BCL11A: variants seen among roughly 807,000 people sequenced by gnomAD.
BCL11A encodes the protein BCL11 transcription factor A, also known as B cell CLL/lymphoma 11A.
BCL11A carries 2 observed loss-of-function variants against 55.9 expected under a neutral mutation model. That is an observed-to-expected ratio of 0.04 (90% CI 0.01 to 0.11). BCL11A has a LOEUF of 0.11. Ranked by LOEUF, BCL11A falls within the 10% of genes least tolerant of loss-of-function variation. The pLI is 1.00. For synonymous variants in BCL11A, 465 were observed against 473.4 expected (o/e 0.98, Z 0.23); for missense variants, 817 against 1,137.1 (o/e 0.72, Z 4.05).
intron 2 of BCL11A, among the ~76,000 whole-genome samples, chr2:60,492,115 G>A (rs1184297782): frequency 6.6e-6 from 1 of 152,010 alleles, no homozygotes; most frequent in Non-Finnish European, 1.5e-5. Flanking sequence ...AGTGGCTCTC[G>A]CCTGTAATCC....
intron 2 of BCL11A, among the ~76,000 whole-genome samples, chr2:60,486,757 T>C (rs777479746): frequency 6.6e-6 from 1 of 152,192 alleles, no homozygotes; most frequent in Non-Finnish European, 1.5e-5. Flanking sequence ...TATTACAGTG[T>C]GACAGAGTCT....
rs142546955 is a variant in BCL11A at position 60,461,439 on chromosome 2, G to C, written c.1473C>G (p.Asp491Glu). The C allele has an allele frequency of 3.1e-6, 5 of 1,603,396 alleles. No individual in the cohort carries two copies. In the African/African-American group the frequency reaches 4.0e-5, roughly 13 times the overall value. ...CTTCCTCCTCTTCTTCCTCTTCCTC[G>C]TCGTCCTCCTCTTCCTCCTCGTCCC... ...ENGDEEEEED[D>E]EEEEEEEEEE... The change falls in exon 4 of 4, where the codon GAC becomes GAG. Residue 491 changes from aspartate to glutamate, a missense_variant. Transcript: ENST00000642384.
chr2:60,460,294 A>C lies in BCL11A; in HGVS notation c.*110T>G. 1 of 1,486,590 alleles carries C rather than the reference A, an allele frequency of 6.7e-7. No homozygotes were observed. Among genetic ancestry groups the C allele is most frequent in the Non-Finnish European group, 8.9e-7 (1 of 1,119,040 alleles). 92.1% of individuals were successfully genotyped at this position (1,486,590 alleles called of 1,614,324 possible). A position where few individuals can be genotyped will look rare whatever the true frequency, so the allele number is the denominator to read the frequency against. The stretch of plus-strand genomic sequence containing the variant: ...TTGTTTGTTTGTTTGTTTAAATCAC[A>C]TGGGACTAGAAAAAAATCCTACAGG... On this transcript the variant is annotated 3_prime_UTR_variant, in exon 4 of 4. Coordinates refer to ENST00000642384, the MANE Select transcript of BCL11A (RefSeq NM_022893.4).
At chr2:60,526,655 A>T in intron 2 of BCL11A, 1 of 152,260 alleles carries the variant, frequency 6.6e-6, no homozygotes, top group East Asian at 1.9e-4. Context: ...GGATTATGAA[A>T]CAATACCAAG....
chr2:60,491,820 G>A (rs1022930045), intron 2 of BCL11A, among the ~76,000 whole-genome samples: 1 of 152,148 alleles, frequency 6.6e-6, no homozygotes, highest in Non-Finnish European at 1.5e-5. Flanking sequence ...ACACTACGCA[G>A]GCACAGACGT....
chr2:60,548,771 T>G (rs528345569), intron 1 of BCL11A, among the ~76,000 whole-genome samples: 42 of 152,306 alleles, frequency 2.8e-4, no homozygotes, highest in African/African-American at 1.0e-3. Flanking sequence ...CGTGTTTTTA[T>G]CATTGCTGGT....
chr2:60,460,922 C>T lies in BCL11A; in HGVS notation c.1990G>A (p.Ala664Thr). 1.2e-6 allele frequency: 2 copies of T among 1,612,624 alleles called. No individual in the cohort carries two copies. Among genetic ancestry groups the T allele is most frequent in the Non-Finnish European group, 1.7e-6 (2 of 1,179,976 alleles). Residue 664 changes from alanine (A) to threonine (T), a missense_variant, in exon 4 of 4, where the codon GCG becomes ACG. Transcript: ENST00000642384. ...GGATCTTTGAGCTGCCTGGAGGCCG[C>T]GTAGCCGGCGAGCCACTGCGAGTAC... ...NVYSQWLAGY[A>T]ASRQLKDPFL...
Position 60,458,580 on chromosome 2 carries a change from G to C in BCL11A, c.*1824C>G. On this transcript the variant is annotated 3_prime_UTR_variant, in exon 4 of 4. Coordinates refer to ENST00000642384, the MANE Select transcript of BCL11A (RefSeq NM_022893.4). The stretch of plus-strand genomic sequence containing the variant: ...TGCGTCCAAGTAAGTAAGCTCAATA[G>C]TCAAGTAAATGGCTGGCAAAGTTTT... The C allele has an allele frequency of 9.7e-7, 1 of 1,035,296 alleles. No individual in the cohort carries two copies. Among genetic ancestry groups the C allele is most frequent in the Non-Finnish European group, 1.2e-6 (1 of 860,118 alleles). The allele number at this position is 1,035,296 out of a possible 1,614,324, so 64.1% of individuals were successfully genotyped here. A position where few individuals can be genotyped will look rare whatever the true frequency, so the allele number is the denominator to read the frequency against.
At chr2:60,494,794 G>C (rs1389144412) in intron 2 of BCL11A, among the ~76,000 whole-genome samples, 3 of 152,144 alleles carry the variant, frequency 2.0e-5, no homozygotes, top group Non-Finnish European at 4.4e-5. Flanking sequence ...CTGCCTCCTG[G>C]TATTTATTAG....
chr2:60,466,513 T>G (rs942087511), intron 3 of BCL11A, among the ~76,000 whole-genome samples: 2 of 151,928 alleles, frequency 1.3e-5, no homozygotes, highest in African/African-American at 4.8e-5. Context: ...ATGAGGTGCT[T>G]TTAACCCCTG....
At chr2:60,496,820 C>T (rs2104368002) in intron 2 of BCL11A, among the ~76,000 whole-genome samples, 1 of 152,202 alleles carries the variant, frequency 6.6e-6, no homozygotes, top group Non-Finnish European at 1.5e-5. Flanking sequence ...AGGAGTCTTA[C>T]ATCAACCCCT....
chr2:60,532,553 T>G (rs1227172953), intron 2 of BCL11A, among the ~76,000 whole-genome samples: 1 of 151,996 alleles, frequency 6.6e-6, no homozygotes, highest in Non-Finnish European at 1.5e-5. Context: ...AGAACCTTGG[T>G]ATGTGAATGG....
chr2:60,489,576 G>T (rs537212641), intron 2 of BCL11A, among the ~76,000 whole-genome samples: 1 of 152,192 alleles, frequency 6.6e-6, no homozygotes, highest in Non-Finnish European at 1.5e-5. Flanking sequence ...AGAAAATTCT[G>T]AGTAGAAGAG....
At position 60,519,486 on chromosome 2, in the gene BCL11A, C is replaced by T. The variant is rs572718882; in HGVS notation, c.385+26485G>A. Among the ~76,000 whole-genome samples, 7 of 152,194 alleles carry T rather than the reference C, an allele frequency of 4.6e-5. No individual in the cohort carries two copies. In the South Asian group the frequency reaches 1.0e-3, roughly 23 times the overall value. On this transcript the variant is annotated intron_variant, in intron 2 of 3. Transcript: ENST00000642384. ...GTAAGGAGAGATGGGTGTGGAACATCGTAGGAAAAAGGTGACTGCACTCAT... is the reference window on the plus strand; with the variant it reads ...GTAAGGAGAGATGGGTGTGGAACATTGTAGGAAAAAGGTGACTGCACTCAT...
chr2:60,531,709 C>G (rs1174318219), intron 2 of BCL11A, among the ~76,000 whole-genome samples: 1 of 152,140 alleles, frequency 6.6e-6, no homozygotes, highest in African/African-American at 2.4e-5. Flanking sequence ...TGTGCAGACA[C>G]CACCAGGAGA....
chr2:60,521,100 CTCACA>C (rs143206472), intron 2 of BCL11A, among the ~76,000 whole-genome samples: 70,219 of 140,650 alleles, frequency 0.5, 17,281 homozygotes, highest in East Asian at 0.72. Flanking sequence ...CACACACACA[CTCACA>C]CACACACACA....
intron 2 of BCL11A, among the ~76,000 whole-genome samples, chr2:60,493,362 T>C (rs1678757806): frequency 6.6e-6 from 1 of 151,872 alleles, no homozygotes; most frequent in Non-Finnish European, 1.5e-5. Flanking sequence ...ACAGAAAAGG[T>C]TTTGAGTTTG....
At chr2:60,482,942 T>C (rs952429394) in intron 2 of BCL11A, among the ~76,000 whole-genome samples, 1 of 152,222 alleles carries the variant, frequency 6.6e-6, no homozygotes, top group Non-Finnish European at 1.5e-5. Flanking sequence ...CTGAAACAAA[T>C]CTTTCTTTCA....
intron 2 of BCL11A, among the ~76,000 whole-genome samples, chr2:60,469,159 G>C (rs987947236): frequency 6.6e-6 from 1 of 152,154 alleles, no homozygotes; most frequent in Non-Finnish European, 1.5e-5. Context: ...AGCAGCAAGG[G>C]GAAAACTGGT....
Sources: allele counts gnomAD v4.1 joint callset (sites outside exome capture counted in the v4.1 genomes callset), GRCh38; gene constraint gnomAD v4.1.1; transcripts MANE v1.5; gene names NCBI Gene and HGNC (gene_info 2026-07-23, HGNC 2026-07-21).